MTMR7: variants seen among roughly 807,000 people sequenced by gnomAD.
MTMR7 encodes the protein myotubularin related protein 7.
Under a neutral mutation model 81.2 loss-of-function variants are expected in MTMR7, and 76 were observed. The observed-to-expected ratio is 0.94, with a 90% confidence interval of 0.78 to 1.13. The LOEUF (loss-of-function observed/expected upper bound fraction) is 1.13. Among genes scored for constraint, MTMR7 ranks in the 50% most tolerant of loss-of-function variants. MTMR7 has a pLI of 0.00. For synonymous variants in MTMR7, 372 were observed against 289.8 expected, an observed-to-expected ratio of 1.28 and a Z score of -2.88; for missense variants, 1,044 against 820.0, an observed-to-expected ratio of 1.27 and a Z score of -3.34.
At chr8:17,370,766 C>G (rs1445094127) in intron 3 of MTMR7, among the ~76,000 whole-genome samples, 4 of 151,968 alleles carry the variant, frequency 2.6e-5, no homozygotes, top group Admixed American at 2.6e-4. Context: ...GGCAATTTCA[C>G]CCCAAAAGGA....
At chr8:17,314,091 T>A (rs990148803) in intron 7 of MTMR7, among the ~76,000 whole-genome samples, 5 of 152,248 alleles carry the variant, frequency 3.3e-5, no homozygotes, top group African/African-American at 1.2e-4. Flanking sequence ...ACCTCTATAA[T>A]ATTATAAACC....
At chr8:17,306,067 T>C (rs867983437) in intron 10 of MTMR7, 110 bp from the exon 11 acceptor site, 1 of 844,360 alleles carries the variant, frequency 1.2e-6, no homozygotes, top group South Asian at 2.0e-5. Context: ...ATAAATCTTA[T>C]CTTACAAACT....
intron 1 of MTMR7, among the ~76,000 whole-genome samples, chr8:17,376,255 T>C (rs1437794814): frequency 6.6e-6 from 1 of 152,236 alleles, no homozygotes; most frequent in Non-Finnish European, 1.5e-5. Context: ...CATCTATTCA[T>C]AGAATGTACC....
chr8:17,413,087 CAA>C (rs1354898875), intron 1 of MTMR7, among the ~76,000 whole-genome samples, 180 bp downstream of exon 1: 1 of 152,210 alleles, frequency 6.6e-6, no homozygotes, highest in Non-Finnish European at 1.5e-5. Context: ...TGGGAGGCAG[CAA>C]GAGAACGACC....
intron 1 of MTMR7, among the ~76,000 whole-genome samples, chr8:17,396,139 A>T (rs372771275): frequency 6.9e-6 from 1 of 145,392 alleles, no homozygotes; most frequent in Non-Finnish European, 1.5e-5. Flanking sequence ...AAAAAAAAAA[A>T]TTCCAGACAA....
Position 17,400,123 on chromosome 8 carries a change from T to C in MTMR7, c.24+13146A>G, listed in dbSNP as rs147361627. Among the ~76,000 whole-genome samples, 836 of 152,206 alleles carry C rather than the reference T, an allele frequency of 5.5e-3. 8 individuals carry two copies. The highest frequency in any genetic ancestry group is 0.018 in the South Asian group (88 of 4,818). On this transcript the variant is annotated intron_variant, in intron 1 of 13. Transcript: ENST00000180173. Reference sequence around the variant, plus strand: ...TTTCTCATCAATTTATGTTTATTTGTTTACTGTTGAGATTGAATTTATTTT... The same window carrying C: ...TTTCTCATCAATTTATGTTTATTTGCTTACTGTTGAGATTGAATTTATTTT...
At chr8:17,385,375 G>C (rs1157558840) in intron 1 of MTMR7, among the ~76,000 whole-genome samples, 1 of 152,152 alleles carries the variant, frequency 6.6e-6, no homozygotes, top group Non-Finnish European at 1.5e-5. Context: ...GACCTGGTGG[G>C]AGGTAACTGA....
intron 6 of MTMR7, among the ~76,000 whole-genome samples, chr8:17,339,823 C>T (rs1268650095): frequency 6.6e-6 from 1 of 152,182 alleles, no homozygotes; most frequent in East Asian, 1.9e-4. Flanking sequence ...AGTCCTTATG[C>T]TCTTTTACCT....
At chr8:17,369,926 T>G (rs1009807511) in intron 3 of MTMR7, among the ~76,000 whole-genome samples, 14 of 152,084 alleles carry the variant, frequency 9.2e-5, no homozygotes, top group African/African-American at 3.1e-4. Context: ...ATTACAGATG[T>G]GAGCCACCGC....
At chr8:17,404,453 C>G (rs1185085047) in intron 1 of MTMR7, among the ~76,000 whole-genome samples, 1 of 152,104 alleles carries the variant, frequency 6.6e-6, no homozygotes, top group Non-Finnish European at 1.5e-5. Flanking sequence ...GATCCAGGTA[C>G]TATGAATCTT....
chr8:17,330,344 G>A lies in MTMR7; in HGVS notation c.865+806C>T, dbSNP rs144969123. 1.9e-4 allele frequency among the ~76,000 whole-genome samples: 29 copies of A among 152,296 alleles called. No individual in the cohort carries two copies. The East Asian group carries it at 3.5e-3, about 18-fold the overall frequency. Reference sequence around the variant, plus strand: ...GCTCTCCAGGGCTTTCCCCAGAAGCGCAGACAGTGCATGGACAGCCAAGGC... The same window carrying A: ...GCTCTCCAGGGCTTTCCCCAGAAGCACAGACAGTGCATGGACAGCCAAGGC... On this transcript the variant is annotated intron_variant, in intron 7 of 13. Transcript: ENST00000180173.
intron 5 of MTMR7, among the ~76,000 whole-genome samples, chr8:17,344,859 T>C (rs1439756580): frequency 6.6e-6 from 1 of 152,200 alleles, no homozygotes; most frequent in Admixed American, 6.5e-5. Flanking sequence ...TCTGTATTTT[T>C]CCTAAGGAAA....
In MTMR7 at chr8:17,401,520, A is replaced by G. The variant is rs559373660; in HGVS notation, c.24+11749T>C. 2.0e-5 allele frequency among the ~76,000 whole-genome samples: 3 copies of G among 152,244 alleles called. No homozygotes were observed. The East Asian group carries it at 5.8e-4, about 29-fold the overall frequency. On this transcript the variant is annotated intron_variant, in intron 1 of 13. Transcript: ENST00000180173. ...ACGAAAGAAGTCCAAGCTCCAAATT[A>G]TATTTAACAGTATCTCTGGCAAAAA...
intron 7 of MTMR7, chr8:17,326,230 A>C (rs563927937): frequency 6.6e-6 from 1 of 152,292 alleles, no homozygotes; most frequent in South Asian, 2.1e-4. Flanking sequence ...TGGTGGTTCT[A>C]CCACTTACTA....
At chr8:17,317,371 T>G (rs1818144157) in intron 7 of MTMR7, among the ~76,000 whole-genome samples, 1 of 152,198 alleles carries the variant, frequency 6.6e-6, no homozygotes, top group South Asian at 2.1e-4. Context: ...TGGAATCTTC[T>G]GAACACCTGA....
intron 7 of MTMR7, among the ~76,000 whole-genome samples, chr8:17,320,248 C>G (rs572320323): frequency 1.3e-5 from 2 of 152,126 alleles, no homozygotes; most frequent in African/African-American, 2.4e-5. Context: ...CTTCTATGCA[C>G]AGTATTGACT....
chr8:17,302,583 C>A (rs947033791), intron 12 of MTMR7, among the ~76,000 whole-genome samples: 6 of 150,108 alleles, frequency 4.0e-5, no homozygotes, highest in Admixed American at 6.7e-5. Context: ...GAAAATGGCT[C>A]TTAGTTTTGA....
chr8:17,351,781 A>C (rs7386192), intron 4 of MTMR7, among the ~76,000 whole-genome samples: 50,081 of 152,094 alleles, frequency 0.33, 9,979 homozygotes, highest in East Asian at 0.71. Context: ...GCTAGAATGC[A>C]TTTGAGAAAA....
intron 9 of MTMR7, 41 bp from the exon 10 acceptor site, chr8:17,309,367 C>T (rs190840976): frequency 3.7e-5 from 50 of 1,358,532 alleles, no homozygotes; most frequent in Middle Eastern, 3.6e-4. Flanking sequence ...GAGAAGCAAA[C>T]GAAAAATAAG....
Sources: gnomAD v4.1 joint callset for allele counts (sites outside exome capture counted in the v4.1 genomes callset) on GRCh38, gnomAD v4.1.1 for gene constraint, MANE v1.5 for transcripts, NCBI Gene and HGNC (gene_info 2026-07-23, HGNC 2026-07-21) for gene names.